The following VAC14 variants were observed in gnomAD, a reference collection of about 807,000 sequenced individuals.
VAC14 encodes the protein VAC14 component of PIKFYVE complex.
VAC14 carries 47 observed loss-of-function variants against 85.3 expected under a neutral mutation model. The observed-to-expected ratio is 0.55, with a 90% CI of 0.44 to 0.70. The LOEUF (loss-of-function observed/expected upper bound fraction) is 0.70. VAC14 is among the 30% of genes least tolerant of loss of function. VAC14 has a pLI of 0.00. For missense variants in VAC14, 861 were observed against 1,004.3 expected (o/e 0.86, Z 1.93); for synonymous variants, 447 against 430.5 (o/e 1.04, Z -0.47).
intron 17 of VAC14, among the ~76,000 whole-genome samples, chr16:70,693,646 G>A (rs923066572): frequency 6.6e-6 from 1 of 152,178 alleles, no homozygotes; most frequent in African/African-American, 2.4e-5. Context: ...CACGGACCCC[G>A]CTGGTGGCTG....
intron 17 of VAC14, among the ~76,000 whole-genome samples, chr16:70,694,604 C>G (rs918698953): frequency 6.6e-6 from 1 of 152,194 alleles, no homozygotes; most frequent in Non-Finnish European, 1.5e-5. Flanking sequence ...AGAGACGCTG[C>G]CAGAGAGTGG....
chr16:70,751,074 C>T (rs74024446), intron 12 of VAC14, among the ~76,000 whole-genome samples: 2,290 of 152,318 alleles, frequency 0.015, 66 homozygotes, highest in African/African-American at 0.053. Flanking sequence ...CTCTGAGCAG[C>T]TCCTGCCAAG....
At chr16:70,721,343 G>A (rs1295185496) in intron 14 of VAC14, among the ~76,000 whole-genome samples, 1 of 152,104 alleles carries the variant, frequency 6.6e-6, no homozygotes, top group Admixed American at 6.5e-5. Context: ...GGGAGGAAGG[G>A]AAGAGGAGAA....
At chr16:70,748,674 CG>C (rs2031121982) in intron 12 of VAC14, among the ~76,000 whole-genome samples, 1 of 152,074 alleles carries the variant, frequency 6.6e-6, no homozygotes, top group South Asian at 2.1e-4. Flanking sequence ...AGGCCAGGTG[CG>C]GTGGCTCACG....
chr16:70,760,014 C>T (rs933043316), intron 12 of VAC14, among the ~76,000 whole-genome samples: 2 of 152,162 alleles, frequency 1.3e-5, no homozygotes, highest in African/African-American at 4.8e-5. Flanking sequence ...GAGGGTTCTA[C>T]AGACACAAGT....
At chr16:70,718,845 T>C (rs941517001) in intron 14 of VAC14, among the ~76,000 whole-genome samples, 1 of 152,272 alleles carries the variant, frequency 6.6e-6, no homozygotes, top group Admixed American at 6.5e-5. Flanking sequence ...GGCGATGTGG[T>C]GGCCGTGTCT....
intron 18 of VAC14, chr16:70,692,016 T>A: frequency 7.1e-6 from 7 of 984,476 alleles, no homozygotes; most frequent in Non-Finnish European, 8.4e-6. Context: ...TCAGCGTAAA[T>A]CTTCTCAGTG....
chr16:70,698,396 T>C (rs1403009760), intron 15 of VAC14, among the ~76,000 whole-genome samples: 1 of 151,904 alleles, frequency 6.6e-6, no homozygotes, highest in Admixed American at 6.6e-5. Flanking sequence ...GGGGTCAGGG[T>C]GGACACGTGG....
chr16:70,709,698 A>G (rs1287377177), intron 14 of VAC14, among the ~76,000 whole-genome samples: 2 of 152,222 alleles, frequency 1.3e-5, no homozygotes, highest in Non-Finnish European at 2.9e-5. Flanking sequence ...AGGTTCCCGG[A>G]AACCAGTTGG....
At chr16:70,739,872 G>T (rs575786740) in intron 13 of VAC14, among the ~76,000 whole-genome samples, 1 of 152,340 alleles carries the variant, frequency 6.6e-6, no homozygotes, top group East Asian at 1.9e-4. Flanking sequence ...AACCAAATAA[G>T]AACAGGTCAT....
At chr16:70,690,834 T>C (rs919390080) in intron 18 of VAC14, 2 of 985,356 alleles carry the variant, frequency 2.0e-6, no homozygotes, top group African/African-American at 1.7e-5. Flanking sequence ...TGCCCCTATC[T>C]ATGGTATCTC....
At chr16:70,740,888 G>A (rs2030217878) in intron 13 of VAC14, among the ~76,000 whole-genome samples, 1 of 152,220 alleles carries the variant, frequency 6.6e-6, no homozygotes, top group Non-Finnish European at 1.5e-5. Context: ...TCCCATGTGG[G>A]CGACTCTGCC....
intron 10 of VAC14, among the ~76,000 whole-genome samples, chr16:70,765,695 G>A (rs570954168): frequency 3.1e-4 from 47 of 152,300 alleles, no homozygotes; most frequent in African/African-American, 9.4e-4. Flanking sequence ...CTCAGAGAGA[G>A]TCCCTGGTGG....
intron 1 of VAC14, among the ~76,000 whole-genome samples, chr16:70,791,153 G>A (rs1219323079): frequency 6.6e-6 from 1 of 152,176 alleles, no homozygotes; most frequent in Non-Finnish European, 1.5e-5. Context: ...CGCCCTGCCT[G>A]GCCCATGCTG....
At chr16:70,795,494 T>TAAAA (rs71153603) in intron 1 of VAC14, among the ~76,000 whole-genome samples, 29 of 91,904 alleles carry the variant, frequency 3.2e-4, no homozygotes, top group Non-Finnish European at 5.5e-4. Flanking sequence ...AGACTCTGTC[T>TAAAA]AAAAAAAAAA....
At chr16:70,691,516 C>T (rs754530525) in intron 18 of VAC14, 17 of 985,486 alleles carry the variant, frequency 1.7e-5, no homozygotes, top group South Asian at 4.7e-5. Context: ...GGAACCCACA[C>T]ATGCGCCCCC....
At chr16:70,753,011 G>GGGGTGTGTGTGT (rs1486481327) in intron 12 of VAC14, among the ~76,000 whole-genome samples, 1 of 142,982 alleles carries the variant, frequency 7.0e-6, no homozygotes, top group Non-Finnish European at 1.5e-5. Context: ...AGGAGGAGGG[G>GGGGTGTGTGTGT]GTGTGTGTGT....
intron 12 of VAC14, among the ~76,000 whole-genome samples, chr16:70,759,065 T>G (rs1567574933): frequency 6.6e-6 from 1 of 152,202 alleles, no homozygotes; most frequent in African/African-American, 2.4e-5. Context: ...CCCGTGGGAC[T>G]GACAGAGATG....
At chr16:70,753,007 A>AG (rs71872159) in intron 12 of VAC14, among the ~76,000 whole-genome samples, 2 of 134,934 alleles carry the variant, frequency 1.5e-5, no homozygotes, top group Non-Finnish European at 3.2e-5. Flanking sequence ...GTGCAGGAGG[A>AG]GGGGGTGTGT....
Sources: allele counts gnomAD v4.1 joint callset (sites outside exome capture counted in the v4.1 genomes callset), GRCh38; gene constraint gnomAD v4.1.1; transcripts MANE v1.5; gene names NCBI Gene and HGNC (gene_info 2026-07-23, HGNC 2026-07-21).